The following AGPAT2 variants were observed in gnomAD, a reference collection of about 807,000 sequenced individuals.
The protein encoded by AGPAT2 is 1-acylglycerol-3-phosphate O-acyltransferase 2.
Under a neutral mutation model 26.1 loss-of-function variants are expected in AGPAT2, and 18 were observed. The ratio of observed to expected loss-of-function variants is 0.69; its 90% CI spans 0.48 to 1.02. The LOEUF (loss-of-function observed/expected upper bound fraction) is 1.02. Among genes scored for constraint, AGPAT2 ranks in the 50% least tolerant of loss-of-function variants. AGPAT2 has a pLI of 0.00. For synonymous variants in AGPAT2, 200 were observed against 174.2 expected (o/e 1.15, Z -1.16); for missense variants, 415 against 394.9 (o/e 1.05, Z -0.43).
Position 136,677,075 on chromosome 9 carries a change from C to A in AGPAT2, c.378G>T (p.Leu126=). ...GGTACATGATGAGGCCCACGGGCCC[C>A]AGGAAGAGCAGCTCCCGCTTGGCGA... ...VQIAKRELLF[L]GPVGLIMYLG... is the part of the protein sequence containing the mutation. The change falls in exon 3 of 6, where the codon CTG becomes CTT. Residue 126 remains leucine, a synonymous_variant. Transcript: ENST00000371696. 1 of 1,613,234 alleles carries A rather than the reference C, an allele frequency of 6.2e-7. No homozygotes were observed. The highest frequency in any genetic ancestry group is 8.5e-7 in the Non-Finnish European group (1 of 1,179,996).
At chr9:136,684,122 G>A (rs958589653) in intron 1 of AGPAT2, among the ~76,000 whole-genome samples, 2 of 152,194 alleles carry the variant, frequency 1.3e-5, no homozygotes, top group African/African-American at 4.8e-5. Context: ...CTGGGACCCT[G>A]AAAATGGTGG....
chr9:136,679,034 C>A (rs1846127993), intron 1 of AGPAT2, among the ~76,000 whole-genome samples: 1 of 152,148 alleles, frequency 6.6e-6, no homozygotes, highest in African/African-American at 2.4e-5. Context: ...GCTTACAGGC[C>A]TGAGCCAACT....
chr9:136,684,340 C>T (rs967206234), intron 1 of AGPAT2, among the ~76,000 whole-genome samples: 1 of 152,182 alleles, frequency 6.6e-6, no homozygotes, highest in Non-Finnish European at 1.5e-5. Flanking sequence ...GGGCATCGGC[C>T]CCTGGTGAGG....
intron 1 of AGPAT2, among the ~76,000 whole-genome samples, chr9:136,678,806 C>G (rs898958597): frequency 1.7e-5 from 2 of 119,870 alleles, no homozygotes; most frequent in Non-Finnish European, 3.8e-5. Context: ...CACAATGTGT[C>G]ACATTGTGCA....
Position 136,676,509 on chromosome 9 carries a change from T to C in AGPAT2, c.588+76A>G, listed in dbSNP as rs1017697904. 3 of 1,215,098 alleles carry C rather than the reference T, an allele frequency of 2.5e-6. No individual in the cohort carries two copies. The African/African-American group carries it at 4.5e-5, about 18-fold the overall frequency. 75.3% of individuals were successfully genotyped at this position (1,215,098 alleles called of 1,614,324 possible). On this transcript the variant is annotated intron_variant, in intron 4 of 5. Transcript: ENST00000371696. The stretch of plus-strand genomic sequence containing the variant: ...CAAGGGTCCTCAGCTCGGCTGGTGG[T>C]CACCTGCTGCCTTAAGCCAGCCTGA...
In AGPAT2 at chr9:136,675,133, G is replaced by A. The variant is rs542543468; in HGVS notation, c.589-326C>T. On this transcript the variant is annotated intron_variant, in intron 4 of 5. Transcript: ENST00000371696. ...GGGCAGGGCCCTGTCCGGTTTAGGA[G>A]GAGATTATGGCACTCTTCCCTGCCC... Among the ~76,000 whole-genome samples, 7 of 152,308 alleles carry A rather than the reference G, an allele frequency of 4.6e-5. No individual in the cohort carries two copies. The East Asian group carries it at 1.2e-3, about 25-fold the overall frequency.
chr9:136,683,955 C>A (rs1317815185), intron 1 of AGPAT2, among the ~76,000 whole-genome samples: 11 of 152,226 alleles, frequency 7.2e-5, no homozygotes, highest in African/African-American at 2.7e-4. Flanking sequence ...GTTCTCCCCA[C>A]ACTGGGCGTG....
intron 1 of AGPAT2, among the ~76,000 whole-genome samples, chr9:136,686,428 G>A (rs1259725968): frequency 6.6e-6 from 1 of 152,214 alleles, no homozygotes; most frequent in African/African-American, 2.4e-5. Context: ...GCCGTCTTTG[G>A]CAGCCCAGTC....
chr9:136,678,089 A>G (rs11145825), intron 1 of AGPAT2, among the ~76,000 whole-genome samples: 1,977 of 152,272 alleles, frequency 0.013, 46 homozygotes, highest in African/African-American at 0.042. Flanking sequence ...GTTCTTCCAG[A>G]AAAGAGCCGA....
chr9:136,680,049 C>T (rs1164813958), intron 1 of AGPAT2, among the ~76,000 whole-genome samples: 3 of 152,136 alleles, frequency 2.0e-5, no homozygotes, highest in African/African-American at 7.2e-5. Context: ...ACAGCTGGGG[C>T]GCGGGGAAAG....
chr9:136,674,672 C>T (rs1038772258), intron 5 of AGPAT2, 63 bp downstream of exon 5: 21 of 1,256,574 alleles, frequency 1.7e-5, no homozygotes, highest in Non-Finnish European at 2.1e-5. Context: ...ATGAGGGGCC[C>T]GGGGCTCCGT....
At chr9:136,681,034 C>T (rs1208033411) in intron 1 of AGPAT2, among the ~76,000 whole-genome samples, 3 of 152,196 alleles carry the variant, frequency 2.0e-5, no homozygotes, top group East Asian at 1.9e-4. Flanking sequence ...TCTCAGCACA[C>T]GGTTCCGTGG....
intron 1 of AGPAT2, among the ~76,000 whole-genome samples, chr9:136,679,083 T>C (rs1287216729): frequency 6.6e-6 from 1 of 152,236 alleles, no homozygotes; most frequent in African/African-American, 2.4e-5. Context: ...AAAATACACG[T>C]AACATAAAAT....
intron 1 of AGPAT2, 103 bp downstream of exon 1, chr9:136,687,073 G>A: frequency 7.5e-7 from 1 of 1,334,910 alleles, no homozygotes; most frequent in Non-Finnish European, 1.0e-6. Context: ...CCCGGAGCGG[G>A]GCGGGACGGG....
At chr9:136,674,060 G>T in intron 5 of AGPAT2, 133 bp from the exon 6 acceptor site, 1 of 851,682 alleles carries the variant, frequency 1.2e-6, no homozygotes, top group Non-Finnish European at 1.7e-6. Flanking sequence ...TCTTCCCCTG[G>T]ACTCCCTAGC....
chr9:136,680,230 T>C (rs535041223), intron 1 of AGPAT2, among the ~76,000 whole-genome samples: 1 of 152,312 alleles, frequency 6.6e-6, no homozygotes, highest in South Asian at 2.1e-4. Flanking sequence ...ATCTTTTATT[T>C]ACTTTTTTAT....
At chr9:136,676,715 C>T (rs1219865205) in intron 3 of AGPAT2, 35 bp from the exon 4 acceptor site, 3 of 1,584,724 alleles carry the variant, frequency 1.9e-6, no homozygotes, top group African/African-American at 2.7e-5. Flanking sequence ...TGACCTCACG[C>T]CCAGGCCACC....
At chr9:136,679,737 CT>C (rs1300630731) in intron 1 of AGPAT2, among the ~76,000 whole-genome samples, 17 of 152,362 alleles carry the variant, frequency 1.1e-4, no homozygotes, top group African/African-American at 2.6e-4. Context: ...ATCCTTCCCC[CT>C]GGCACAGATT....
chr9:136,682,947 T>C (rs1846179941), intron 1 of AGPAT2, among the ~76,000 whole-genome samples: 1 of 151,736 alleles, frequency 6.6e-6, no homozygotes, highest in Non-Finnish European at 1.5e-5. Flanking sequence ...GCATTTGACC[T>C]CCCAGGCTCT....
Sources: gnomAD v4.1 joint callset for allele counts (sites outside exome capture counted in the v4.1 genomes callset) on GRCh38, gnomAD v4.1.1 for gene constraint, MANE v1.5 for transcripts, NCBI Gene and HGNC (gene_info 2026-07-23, HGNC 2026-07-21) for gene names.